The following CORO2B variants were observed in gnomAD, a reference collection of about 807,000 sequenced individuals.
CORO2B encodes the protein coronin 2B, also known as coronin-2B.
A neutral mutation model predicts 58.8 loss-of-function variants in CORO2B; 26 were observed. That is an observed-to-expected ratio of 0.44 (90% CI 0.32 to 0.61). The LOEUF (loss-of-function observed/expected upper bound fraction) is 0.61. CORO2B is among the 20% of genes least tolerant of loss of function. The probability of loss-of-function intolerance (pLI) is 0.04; values close to 1 mark genes in which losing one functional copy is unlikely to be tolerated. For missense variants in CORO2B, 460 were observed against 645.1 expected (o/e 0.71, Z 3.11); for synonymous variants, 242 against 253.8 (o/e 0.95, Z 0.44).
the CORO2B span, among the ~76,000 whole-genome samples, chr15:68,566,486 C>T: frequency 7.2e-5 from 11 of 152,250 alleles, 1 homozygote; most frequent in African/African-American, 1.9e-4. Flanking sequence ...ATGAGAGGTG[C>T]CTGCAGGGAT....
At chr15:68,617,454 C>T (rs901790744) in intron 1 of CORO2B, among the ~76,000 whole-genome samples, 1 of 152,220 alleles carries the variant, frequency 6.6e-6, no homozygotes, top group African/African-American at 2.4e-5. Flanking sequence ...AGCTGTGTGA[C>T]CTTGAGCAGG....
chr15:68,683,123 C>T (rs1235862768), intron 2 of CORO2B, among the ~76,000 whole-genome samples: 1 of 152,226 alleles, frequency 6.6e-6, no homozygotes, highest in Non-Finnish European at 1.5e-5. Context: ...GACTTAGGAA[C>T]CTGCTCCTGA....
intron 2 of CORO2B, among the ~76,000 whole-genome samples, chr15:68,691,276 G>A (rs1892358486): frequency 6.9e-6 from 1 of 145,248 alleles, no homozygotes; most frequent in Admixed American, 6.9e-5. Flanking sequence ...CTTGCAGTGA[G>A]CCGAGATCGC....
rs570361679 is a variant in CORO2B, at chr15:68,607,310, G to GTC, written c.15+28036_15+28037dup. Among the ~76,000 whole-genome samples the GTC allele has an allele frequency of 2.5e-3, 385 of 152,328 alleles. 4 individuals are homozygous for GTC. Among genetic ancestry groups the GTC allele is most frequent in the African/African-American group, 8.9e-3 (372 of 41,568 alleles). On this transcript the variant is annotated intron_variant, in intron 1 of 11. Transcript: ENST00000261861. ...GTTGACTGGAGCATCTACACATGGT[G>GTC]TCTCCACATGGCTTGAGCTTCCTCA...
upstream of CORO2B, among the ~76,000 whole-genome samples, chr15:68,574,060 C>G (rs1899233582): frequency 1.3e-5 from 2 of 152,222 alleles, no homozygotes; most frequent in South Asian, 4.1e-4. Context: ...CCTGAGGACA[C>G]CAGGGAGCCC....
the CORO2B span, among the ~76,000 whole-genome samples, chr15:68,527,122 TAAC>T: frequency 2.0e-5 from 3 of 152,212 alleles, no homozygotes; most frequent in African/African-American, 7.2e-5. Flanking sequence ...ATCTTGGACT[TAAC>T]AGCCCCCAAC....
Position 68,695,193 on chromosome 15 carries a change from G to T in CORO2B, c.270G>T (p.Val90=), listed in dbSNP as rs1347870117. The T allele has an allele frequency of 1.9e-6, 3 of 1,614,156 alleles. No individual in the cohort carries two copies. In the Admixed American group the frequency reaches 5.0e-5, roughly 27 times the overall value. Reference sequence around the variant, plus strand: ...AGGTCTGCGGCCACCAGGGCAATGTGCTGGATATCAAATGGAACCCCTTCA... The same window carrying T: ...AGGTCTGCGGCCACCAGGGCAATGTTCTGGATATCAAATGGAACCCCTTCA... ...YPKVCGHQGN[V]LDIKWNPFID... Residue 90 remains valine (V), a synonymous_variant, in exon 3 of 12, where the codon GTG becomes GTT. Transcript: ENST00000261861.
the CORO2B span, among the ~76,000 whole-genome samples, chr15:68,565,237 A>G: frequency 0.74 from 112,700 of 151,734 alleles, 42,497 homozygotes; most frequent in East Asian, 0.87. Context: ...ATATTGATAT[A>G]TTTTCTCCTG....
In CORO2B at chr15:68,661,267, C is replaced by T. The variant is rs938577019; in HGVS notation, c.216+15907C>T. Among the ~76,000 whole-genome samples the T allele has an allele frequency of 1.2e-4, 18 of 152,274 alleles. No homozygotes were observed. The East Asian group carries it at 1.7e-3, about 15-fold the overall frequency. On this transcript the variant is annotated intron_variant, in intron 2 of 11. Coordinates refer to ENST00000261861, the MANE Select transcript of CORO2B (RefSeq NM_006091.5). The stretch of plus-strand genomic sequence containing the variant: ...TGCTGGGATTATAGGCGTGAGCCAC[C>T]GCATCTGGTCAGTACCATGTGTAAT...
intron 1 of CORO2B, among the ~76,000 whole-genome samples, chr15:68,633,543 A>ACACACACACACACT (rs1035888776): frequency 3.3e-5 from 5 of 151,396 alleles, no homozygotes; most frequent in African/African-American, 9.8e-5. Context: ...ACACACACAC[A>ACACACACACACACT]CACTCACTCC....
intron 2 of CORO2B, among the ~76,000 whole-genome samples, chr15:68,653,061 G>C (rs1012265926): frequency 6.6e-6 from 1 of 152,146 alleles, no homozygotes; most frequent in Non-Finnish European, 1.5e-5. Flanking sequence ...CTCCATACAA[G>C]TGCAGCAGAT....
At chr15:68,690,585 A>G (rs1250066267) in intron 2 of CORO2B, among the ~76,000 whole-genome samples, 1 of 151,842 alleles carries the variant, frequency 6.6e-6, no homozygotes, top group East Asian at 1.9e-4. Context: ...CAGGTTTTAC[A>G]TTATTACAAT....
intron 11 of CORO2B, among the ~76,000 whole-genome samples, chr15:68,724,869 T>C (rs1306281772): frequency 6.6e-6 from 1 of 152,166 alleles, no homozygotes; most frequent in Non-Finnish European, 1.5e-5. Flanking sequence ...TCTGTCAATA[T>C]GCTTTACAGG....
rs1303083122 is a variant in CORO2B, at chr15:68,679,750, C to T, written c.217-15390C>T. 7.9e-5 allele frequency among the ~76,000 whole-genome samples: 12 copies of T among 152,314 alleles called. No homozygotes were observed. The East Asian group carries it at 2.1e-3, about 27-fold the overall frequency. On this transcript the variant is annotated intron_variant, in intron 2 of 11. Coordinates refer to ENST00000261861, the MANE Select transcript of CORO2B (RefSeq NM_006091.5). ...TCCCACTACCCCAGCCCCTGAGGAT[C>T]AACCAACCTCCACAGATGCAGCAGA...
At chr15:68,534,027 A>G in the CORO2B span, among the ~76,000 whole-genome samples, 3 of 152,166 alleles carry the variant, frequency 2.0e-5, no homozygotes, top group African/African-American at 7.2e-5. Flanking sequence ...TTTCTAAGAT[A>G]GGACATGTGC....
intron 1 of CORO2B, among the ~76,000 whole-genome samples, chr15:68,618,147 C>A (rs1900415733): frequency 6.6e-6 from 1 of 152,098 alleles, no homozygotes; most frequent in South Asian, 2.1e-4. Flanking sequence ...CACACACACA[C>A]ACAAATACAT....
intron 3 of CORO2B, among the ~76,000 whole-genome samples, chr15:68,709,643 G>A (rs1321367272): frequency 3.3e-5 from 5 of 151,842 alleles, no homozygotes; most frequent in Non-Finnish European, 7.4e-5. Context: ...CTTTGGTAGA[G>A]GCACGGTCTC....
chr15:68,662,006 C>CAATA (rs201951631), intron 2 of CORO2B, among the ~76,000 whole-genome samples: 6,454 of 151,134 alleles, frequency 0.043, 173 homozygotes, highest in Middle Eastern at 0.1. Context: ...GACCCTGTCT[C>CAATA]AATAAATAAA....
chr15:68,646,326 G>T lies in CORO2B; in HGVS notation c.216+966G>T, dbSNP rs111829156. 8.8e-4 allele frequency among the ~76,000 whole-genome samples: 134 copies of T among 152,312 alleles called. 2 individuals are homozygous for T. The highest frequency in any genetic ancestry group is 3.4e-3 in the Middle Eastern group (1 of 294). Reference sequence around the variant, plus strand: ...GTCAGTCCCACTTGTTTATGGCTGAGTTCCCCCTTCCCAGCCTGACTCATC... The same window carrying T: ...GTCAGTCCCACTTGTTTATGGCTGATTTCCCCCTTCCCAGCCTGACTCATC... On this transcript the variant is annotated intron_variant, in intron 2 of 11. Transcript: ENST00000261861.
Sources: allele counts gnomAD v4.1 joint callset (sites outside exome capture counted in the v4.1 genomes callset), GRCh38; gene constraint gnomAD v4.1.1; transcripts MANE v1.5; gene names NCBI Gene and HGNC (gene_info 2026-07-23, HGNC 2026-07-21).